HDAC9: variants seen among roughly 807,000 people sequenced by gnomAD.
HDAC9 encodes histone deacetylase 9.
Under a neutral mutation model 139.4 loss-of-function variants are expected in HDAC9, and 41 were observed. That is an observed-to-expected ratio of 0.29 (90% confidence interval 0.23 to 0.38). The LOEUF is 0.38. Ranked by LOEUF, HDAC9 falls within the 10% of genes least tolerant of loss-of-function variation. The probability of loss-of-function intolerance (pLI) is 1.00; values close to 1 mark genes in which losing one functional copy is unlikely to be tolerated. For synonymous variants in HDAC9, 517 were observed against 476.2 expected, an observed-to-expected ratio of 1.09 and a Z score of -1.12; for missense variants, 1,147 against 1,297.0, an observed-to-expected ratio of 0.88 and a Z score of 1.78.
chr7:18,989,716 C>A (rs2129348576), intron 25 of HDAC9, among the ~76,000 whole-genome samples: 1 of 139,782 alleles, frequency 7.2e-6, no homozygotes, highest in African/African-American at 2.7e-5. Flanking sequence ...TTGGTCTTTT[C>A]ACATAGTCCC....
At chr7:18,354,583 G>A (rs974616360) in intron 1 of HDAC9, among the ~76,000 whole-genome samples, 8 of 152,110 alleles carry the variant, frequency 5.3e-5, no homozygotes, top group African/African-American at 1.9e-4. Context: ...AGAGATATGC[G>A]CTGTACGTAA....
intron 2 of HDAC9, among the ~76,000 whole-genome samples, chr7:18,565,289 C>A (rs1821942809): frequency 6.6e-6 from 1 of 152,206 alleles, no homozygotes; most frequent in African/African-American, 2.4e-5. Flanking sequence ...AGCCACTGTG[C>A]TCAGCCAAAT....
chr7:18,366,333 A>G (rs1335417237), intron 1 of HDAC9, among the ~76,000 whole-genome samples: 2 of 152,142 alleles, frequency 1.3e-5, no homozygotes, highest in Non-Finnish European at 2.9e-5. Flanking sequence ...CTTTAGAAGA[A>G]AATAATGGGC....
At chr7:18,350,273 T>C (rs1227226500) in intron 1 of HDAC9, among the ~76,000 whole-genome samples, 1 of 152,152 alleles carries the variant, frequency 6.6e-6, no homozygotes, top group Non-Finnish European at 1.5e-5. Context: ...AAGCAATTTT[T>C]CTTTTTGGAG....
intron 1 of HDAC9, among the ~76,000 whole-genome samples, chr7:18,432,722 C>T (rs1035333227): frequency 7.2e-5 from 11 of 151,958 alleles, no homozygotes; most frequent in South Asian, 2.1e-4. Context: ...CCGAGGTGGG[C>T]GGATCACGAG....
intron 2 of HDAC9, among the ~76,000 whole-genome samples, chr7:18,276,195 T>C (rs1258965625): frequency 6.6e-6 from 1 of 152,218 alleles, no homozygotes; most frequent in South Asian, 2.1e-4. Context: ...TACTATAGCT[T>C]GACTCCATTT....
At chr7:18,097,522 A>C (rs573040800) in intron 1 of HDAC9, among the ~76,000 whole-genome samples, 1 of 128,502 alleles carries the variant, frequency 7.8e-6, no homozygotes, top group Non-Finnish European at 1.7e-5. Context: ...TTTCTGTTTT[A>C]GTCCTTTTTT....
intron 2 of HDAC9, among the ~76,000 whole-genome samples, chr7:18,236,691 G>C (rs1793840529): frequency 2.0e-5 from 3 of 152,178 alleles, no homozygotes; most frequent in Admixed American, 6.5e-5. Flanking sequence ...GCCTCATGTA[G>C]TGTCAGGAGG....
chr7:18,838,917 T>A (rs1353095382), intron 21 of HDAC9, among the ~76,000 whole-genome samples: 1 of 152,072 alleles, frequency 6.6e-6, no homozygotes, highest in Non-Finnish European at 1.5e-5. Context: ...TCATGGTTTC[T>A]ATTATGTGCT....
intron 6 of HDAC9, among the ~76,000 whole-genome samples, chr7:18,627,061 A>G (rs1297539931): frequency 6.6e-6 from 1 of 152,192 alleles, no homozygotes; most frequent in Non-Finnish European, 1.5e-5. Flanking sequence ...CCAGATCTTC[A>G]CAGTTATTCT....
intron 25 of HDAC9, among the ~76,000 whole-genome samples, chr7:18,988,288 A>ACAT (rs1360258714): frequency 6.6e-6 from 1 of 152,030 alleles, no homozygotes; most frequent in Non-Finnish European, 1.5e-5. Flanking sequence ...GTTTCAAAGA[A>ACAT]CATCTTTATT....
rs1791777644 is a variant in HDAC9 at position 18,786,585 on chromosome 7, G to GTCCTTC, written c.2215-6760_2215-6759insTCCTTC. Among the ~76,000 whole-genome samples the GTCCTTC allele has an allele frequency of 4.5e-4, 24 of 53,298 alleles. 2 individuals carry two copies. Among genetic ancestry groups the GTCCTTC allele is most frequent in the African/African-American group, 1.4e-3 (23 of 16,032 alleles). 35.0% of individuals were successfully genotyped at this position (53,298 alleles called of 152,430 possible). ...CACACCTCTTGGGTATGGCTGGCTGGCTTCCTTCCTTCCTTCCTTCCTTCC... is the reference window on the plus strand; with the variant it reads ...CACACCTCTTGGGTATGGCTGGCTGGTCCTTCCTTCCTTCCTTCCTTCCTTCCTTCC... On this transcript the variant is annotated intron_variant, in intron 16 of 25. Transcript: ENST00000686413.
chr7:18,316,673 A>G (rs1026041371), intron 1 of HDAC9, among the ~76,000 whole-genome samples: 2 of 148,290 alleles, frequency 1.3e-5, no homozygotes, highest in Non-Finnish European at 3.0e-5. Context: ...GTCATGGCGC[A>G]CACCCAGCTA....
intron 2 of HDAC9, among the ~76,000 whole-genome samples, chr7:18,188,560 A>C (rs1054787092): frequency 6.6e-6 from 1 of 152,228 alleles, no homozygotes; most frequent in African/African-American, 2.4e-5. Flanking sequence ...TGAACAGGCA[A>C]CTTACAGAAT....
chr7:18,374,990 G>A (rs75606013), intron 1 of HDAC9, among the ~76,000 whole-genome samples: 2,744 of 152,074 alleles, frequency 0.018, 101 homozygotes, highest in East Asian at 0.16. Context: ...AGCACATATA[G>A]TTATGTACAA....
chr7:18,173,535 T>G (rs887834968), intron 2 of HDAC9, among the ~76,000 whole-genome samples: 43 of 152,358 alleles, frequency 2.8e-4, no homozygotes, highest in African/African-American at 1.0e-3. Context: ...TTGATGCAGT[T>G]TCTTCCTAGC....
chr7:18,432,179 T>A (rs965951728), intron 1 of HDAC9, among the ~76,000 whole-genome samples: 3 of 152,172 alleles, frequency 2.0e-5, no homozygotes, highest in Non-Finnish European at 2.9e-5. Context: ...TATCCATCTA[T>A]CCACTCAACA....
chr7:18,425,989 G>A (rs1050294811), intron 1 of HDAC9, among the ~76,000 whole-genome samples: 14 of 152,208 alleles, frequency 9.2e-5, no homozygotes, highest in African/African-American at 3.4e-4. Flanking sequence ...GGACATGACT[G>A]AGTAGTTGCA....
At chr7:18,147,689 A>G (rs1175346387) in intron 1 of HDAC9, among the ~76,000 whole-genome samples, 2 of 150,878 alleles carry the variant, frequency 1.3e-5, no homozygotes, top group Admixed American at 6.6e-5. Context: ...CTCTTTGTAA[A>G]ATTTCACTCA....
Sources: gnomAD v4.1 joint callset for allele counts (sites outside exome capture counted in the v4.1 genomes callset) on GRCh38, gnomAD v4.1.1 for gene constraint, MANE v1.5 for transcripts, NCBI Gene and HGNC (gene_info 2026-07-23, HGNC 2026-07-21) for gene names.